ZNF521: variants seen among roughly 807,000 people sequenced by gnomAD.
The protein encoded by ZNF521 is LYST-interacting protein 3.
In ZNF521, 14 loss-of-function variants were observed where a neutral mutation model predicts 105.5. That is an observed-to-expected ratio of 0.13 (90% CI 0.09 to 0.21). The LOEUF is 0.21. Among genes scored for constraint, ZNF521 ranks in the 10% least tolerant of loss-of-function variants. The pLI is 1.00. For missense variants in ZNF521, 1,233 were observed against 1,629.7 expected (o/e 0.76, Z 4.19); for synonymous variants, 635 against 606.0 (o/e 1.05, Z -0.70).
At chr18:25,162,057 A>G (rs2035261005) in intron 5 of ZNF521, among the ~76,000 whole-genome samples, 1 of 152,176 alleles carries the variant, frequency 6.6e-6, no homozygotes, top group Non-Finnish European at 1.5e-5. Context: ...TCTGTGACTC[A>G]TGTTTTCCCA....
intron 2 of ZNF521, among the ~76,000 whole-genome samples, chr18:25,327,931 C>T (rs373357042): frequency 6.6e-6 from 1 of 152,222 alleles, no homozygotes; most frequent in African/African-American, 2.4e-5. Context: ...ATCCCCGGAA[C>T]CACATCGGCC....
At chr18:25,238,795 C>CAACT (rs1342333069) in intron 3 of ZNF521, among the ~76,000 whole-genome samples, 10 of 152,124 alleles carry the variant, frequency 6.6e-5, no homozygotes, top group Admixed American at 6.5e-4. Context: ...ACTAGCAGAC[C>CAACT]AACTGCTTGA....
intron 3 of ZNF521, among the ~76,000 whole-genome samples, chr18:25,257,149 T>C (rs1908576206): frequency 6.6e-6 from 1 of 152,164 alleles, no homozygotes; most frequent in Non-Finnish European, 1.5e-5. Flanking sequence ...CTTCTGTTGC[T>C]TTGAGGAAAG....
intron 5 of ZNF521, among the ~76,000 whole-genome samples, chr18:25,187,934 C>T (rs2144613198): frequency 6.6e-6 from 1 of 152,254 alleles, no homozygotes; most frequent in East Asian, 1.9e-4. Context: ...TTGAAGGCAA[C>T]AAAACGAGGC....
chr18:25,239,462 T>C (rs1907157730), intron 3 of ZNF521, among the ~76,000 whole-genome samples: 1 of 152,190 alleles, frequency 6.6e-6, no homozygotes, highest in African/African-American at 2.4e-5. Context: ...ATGGGAAATA[T>C]TAATACACTA....
At chr18:25,107,008 C>G (rs1212986572) in intron 5 of ZNF521, among the ~76,000 whole-genome samples, 1 of 152,162 alleles carries the variant, frequency 6.6e-6, no homozygotes, top group Non-Finnish European at 1.5e-5. Flanking sequence ...CAGGCATCAT[C>G]CCCAAAGCCT....
chr18:25,110,907 C>A (rs971489718), intron 5 of ZNF521, among the ~76,000 whole-genome samples: 4 of 151,944 alleles, frequency 2.6e-5, no homozygotes, highest in Non-Finnish European at 5.9e-5. Context: ...GGACTACAGG[C>A]ACCCGCCACC....
chr18:25,207,391 C>T (rs770151215), intron 4 of ZNF521, among the ~76,000 whole-genome samples: 1 of 152,178 alleles, frequency 6.6e-6, no homozygotes, highest in East Asian at 1.9e-4. Flanking sequence ...CTCATCGGGG[C>T]TCCTCGGGGC....
chr18:25,334,058 A>T (rs1246489875), intron 2 of ZNF521, among the ~76,000 whole-genome samples: 1 of 152,210 alleles, frequency 6.6e-6, no homozygotes, highest in Non-Finnish European at 1.5e-5. Flanking sequence ...AGCAATGAAG[A>T]AAACACTCCA....
chr18:25,273,273 A>C (rs1909803530), intron 3 of ZNF521, among the ~76,000 whole-genome samples: 1 of 149,114 alleles, frequency 6.7e-6, no homozygotes, highest in Admixed American at 6.7e-5. Flanking sequence ...TATCTGCAAC[A>C]TTTACTTTTA....
chr18:25,215,818 T>A (rs551926167), intron 4 of ZNF521, among the ~76,000 whole-genome samples: 5 of 152,326 alleles, frequency 3.3e-5, no homozygotes, highest in Admixed American at 2.0e-4. Context: ...GCAAGGCACC[T>A]GCTCCCACAT....
At chr18:25,319,360 G>A (rs141312360) in intron 3 of ZNF521, among the ~76,000 whole-genome samples, 3 of 152,288 alleles carry the variant, frequency 2.0e-5, no homozygotes, top group African/African-American at 7.2e-5. Flanking sequence ...TTGGGAGGCC[G>A]AGGCAGGCGC....
chr18:25,310,767 C>G (rs1279516849), intron 3 of ZNF521, among the ~76,000 whole-genome samples: 2 of 152,106 alleles, frequency 1.3e-5, no homozygotes, highest in African/African-American at 4.8e-5. Context: ...ATTCTACATT[C>G]TAACAGCTAA....
intron 3 of ZNF521, chr18:25,273,683 T>C (rs1187078960): frequency 6.6e-6 from 1 of 152,218 alleles, no homozygotes; most frequent in Non-Finnish European, 1.5e-5. Flanking sequence ...GAGAGTACTA[T>C]GTAAATATTT....
intron 3 of ZNF521, among the ~76,000 whole-genome samples, chr18:25,243,862 T>G (rs1207360068): frequency 6.6e-6 from 1 of 152,144 alleles, no homozygotes; most frequent in African/African-American, 2.4e-5. Context: ...GGACTTGATG[T>G]TTTTTGGGGG....
chr18:25,147,289 G>C (rs570095121), intron 5 of ZNF521, among the ~76,000 whole-genome samples: 14 of 152,132 alleles, frequency 9.2e-5, no homozygotes, highest in African/African-American at 3.4e-4. Context: ...GAGTCTAAGG[G>C]GGCATTTTTA....
At chr18:25,143,487 C>T (rs1013453905) in intron 5 of ZNF521, among the ~76,000 whole-genome samples, 1 of 152,002 alleles carries the variant, frequency 6.6e-6, no homozygotes, top group African/African-American at 2.4e-5. Flanking sequence ...AGGTCTTGTT[C>T]TGGGCAAGGA....
chr18:25,214,829 A>G (rs2036252806), intron 4 of ZNF521, among the ~76,000 whole-genome samples: 1 of 152,180 alleles, frequency 6.6e-6, no homozygotes, highest in Admixed American at 6.6e-5. Context: ...TGGAGAAAGG[A>G]TGCAGGAGAT....
At chr18:25,200,595 T>C (rs987994041) in intron 4 of ZNF521, among the ~76,000 whole-genome samples, 1 of 152,122 alleles carries the variant, frequency 6.6e-6, no homozygotes, top group Non-Finnish European at 1.5e-5. Context: ...TAGACACAGA[T>C]TGGAGCCTCT....
Sources: allele counts gnomAD v4.1 joint callset (sites outside exome capture counted in the v4.1 genomes callset), GRCh38; gene constraint gnomAD v4.1.1; transcripts MANE v1.5; gene names NCBI Gene and HGNC (gene_info 2026-07-23, HGNC 2026-07-21).